The following TRIM2 variants were observed in gnomAD, a reference collection of about 807,000 sequenced individuals.
TRIM2 encodes tripartite motif-containing protein 2.
Under a neutral mutation model 75.2 loss-of-function variants are expected in TRIM2, and 20 were observed. The ratio of observed to expected loss-of-function variants is 0.27; its 90% CI spans 0.19 to 0.39. TRIM2 has a LOEUF of 0.39. Ranked by LOEUF, TRIM2 falls within the 10% of genes least tolerant of loss-of-function variation. The probability of loss-of-function intolerance (pLI) is 1.00; values close to 1 mark genes in which losing one functional copy is unlikely to be tolerated. For synonymous variants in TRIM2, 373 were observed against 388.3 expected (o/e 0.96, Z 0.46); for missense variants, 660 against 990.8 (o/e 0.67, Z 4.48).
intron 1 of TRIM2, among the ~76,000 whole-genome samples, chr4:153,177,325 G>A (rs1731546432): frequency 6.6e-6 from 1 of 152,182 alleles, no homozygotes; most frequent in Non-Finnish European, 1.5e-5. Flanking sequence ...ACCAGGAAAT[G>A]AAGTCTTTAT....
intron 1 of TRIM2, among the ~76,000 whole-genome samples, chr4:153,225,144 A>C (rs1365934566): frequency 6.6e-6 from 1 of 152,220 alleles, no homozygotes; most frequent in Non-Finnish European, 1.5e-5. Flanking sequence ...TGAAGCCCTG[A>C]AATCCTGGTG....
chr4:153,280,150 C>T (rs898862720), intron 3 of TRIM2, among the ~76,000 whole-genome samples: 3 of 117,350 alleles, frequency 2.6e-5, no homozygotes, highest in African/African-American at 9.8e-5. Context: ...ATGGAACATA[C>T]ACAAAGAAAG....
chr4:153,270,938 G>T (rs963033047), intron 2 of TRIM2, among the ~76,000 whole-genome samples: 7 of 152,012 alleles, frequency 4.6e-5, no homozygotes, highest in Admixed American at 4.6e-4. Context: ...ACTTCAAAAG[G>T]TATAGCTTCT....
At chr4:153,324,998 A>G (rs1307937951) in intron 10 of TRIM2, among the ~76,000 whole-genome samples, 2 of 152,228 alleles carry the variant, frequency 1.3e-5, no homozygotes, top group Non-Finnish European at 2.9e-5. Context: ...AGTCATTTTA[A>G]AGGAAAAATG....
chr4:153,188,887 C>A (rs1579407514), intron 1 of TRIM2, among the ~76,000 whole-genome samples: 1 of 152,120 alleles, frequency 6.6e-6, no homozygotes, highest in African/African-American at 2.4e-5. Context: ...TCAAACTGTA[C>A]ATTTTATACC....
intron 10 of TRIM2, 108 bp downstream of exon 10, chr4:153,324,256 A>C (rs1243572944): frequency 7.8e-6 from 7 of 896,302 alleles, no homozygotes; most frequent in Admixed American, 2.7e-5. Flanking sequence ...GGAGTTAACC[A>C]GCAGAGTAGA....
At chr4:153,223,114 G>T in intron 1 of TRIM2, 1 of 152,428 alleles carries the variant, frequency 6.6e-6, no homozygotes, top group Non-Finnish European at 1.5e-5. Context: ...CGTGCGGGAA[G>T]CCTGCCCAGA....
intron 1 of TRIM2, among the ~76,000 whole-genome samples, chr4:153,236,009 G>C (rs2149818815): frequency 6.6e-6 from 1 of 152,100 alleles, no homozygotes; most frequent in Middle Eastern, 3.4e-3. Context: ...AATCATGGGG[G>C]CAGTTTCCCC....
chr4:153,163,195 T>A (rs1729915131), intron 1 of TRIM2, among the ~76,000 whole-genome samples: 1 of 152,202 alleles, frequency 6.6e-6, no homozygotes, highest in Non-Finnish European at 1.5e-5. Flanking sequence ...ACATCATTTT[T>A]TTTTCTTTGA....
chr4:153,178,196 G>C (rs1365090081), intron 1 of TRIM2, among the ~76,000 whole-genome samples: 8 of 152,104 alleles, frequency 5.3e-5, no homozygotes, highest in African/African-American at 1.9e-4. Context: ...GCCCCACTGA[G>C]AGGTCAGGCT....
At chr4:153,303,634 C>T (rs757995152) in intron 6 of TRIM2, among the ~76,000 whole-genome samples, 56 of 152,162 alleles carry the variant, frequency 3.7e-4, no homozygotes, top group Non-Finnish European at 6.3e-4. Context: ...ATCACATACA[C>T]ATGTGAGATG....
intron 1 of TRIM2, among the ~76,000 whole-genome samples, chr4:153,157,503 G>A (rs554505704): frequency 6.6e-6 from 1 of 152,310 alleles, no homozygotes; most frequent in Non-Finnish European, 1.5e-5. Context: ...GTCAAACACA[G>A]AAATATGTTT....
At chr4:153,199,709 G>A (rs1163007962), upstream of TRIM2, among the ~76,000 whole-genome samples, 2 of 152,122 alleles carry the variant, frequency 1.3e-5, no homozygotes, top group Non-Finnish European at 2.9e-5. Context: ...TAGATGCTGA[G>A]TGATGCACAA....
At chr4:153,168,906 G>A (rs374505806) in intron 1 of TRIM2, among the ~76,000 whole-genome samples, 122 of 152,086 alleles carry the variant, frequency 8.0e-4, no homozygotes, top group African/African-American at 2.5e-3. Context: ...GCAAGACCCC[G>A]TCTCTACTAA....
At chr4:153,293,175 T>A (rs199884285) in intron 4 of TRIM2, 42 bp downstream of exon 4, 4 of 1,575,212 alleles carry the variant, frequency 2.5e-6, no homozygotes, top group Non-Finnish European at 3.5e-6. Flanking sequence ...CTGCCTGTAC[T>A]TGAGGCCTGG....
chr4:153,263,040 C>T (rs114286880), intron 1 of TRIM2, among the ~76,000 whole-genome samples: 1,900 of 152,270 alleles, frequency 0.012, 27 homozygotes, highest in African/African-American at 0.044. Flanking sequence ...ATTAGACTAT[C>T]ACATGGGAGG....
chr4:153,298,075 G>A (rs1314632965), intron 6 of TRIM2, among the ~76,000 whole-genome samples: 3 of 152,098 alleles, frequency 2.0e-5, no homozygotes, highest in Non-Finnish European at 4.4e-5. Flanking sequence ...CCACCCCAGG[G>A]ACAAGGGGGT....
At chr4:153,153,055 G>C (rs1198183519), upstream of TRIM2, 1 of 152,292 alleles carries the variant, frequency 6.6e-6, no homozygotes, top group East Asian at 1.9e-4. Flanking sequence ...GGCTCCTTGT[G>C]GGGGAGGGGC....
chr4:153,173,853 G>T (rs989214456), intron 1 of TRIM2, among the ~76,000 whole-genome samples: 4 of 151,848 alleles, frequency 2.6e-5, no homozygotes, highest in Non-Finnish European at 5.9e-5. Context: ...TGTGGTCCCA[G>T]CTACTCAGAA....
Sources: gnomAD v4.1 joint callset for allele counts (sites outside exome capture counted in the v4.1 genomes callset) on GRCh38, gnomAD v4.1.1 for gene constraint, MANE v1.5 for transcripts, NCBI Gene and HGNC (gene_info 2026-07-23, HGNC 2026-07-21) for gene names.